The following ADGRA3 variants were observed in gnomAD, a reference collection of about 807,000 sequenced individuals.
ADGRA3 encodes the protein adhesion G protein-coupled receptor A3.
ADGRA3 carries 56 observed loss-of-function variants against 119.8 expected under a neutral mutation model. That is an observed-to-expected ratio of 0.47 (90% CI 0.38 to 0.58). The LOEUF (loss-of-function observed/expected upper bound fraction) is 0.58, where lower values mean the gene tolerates loss of function less well. Ranked by LOEUF, ADGRA3 falls within the 20% of genes least tolerant of loss-of-function variation. ADGRA3 has a pLI of 0.00. For missense variants in ADGRA3, 1,516 were observed against 1,649.0 expected, an observed-to-expected ratio of 0.92 and a Z score of 1.40; for synonymous variants, 607 against 623.8, an observed-to-expected ratio of 0.97 and a Z score of 0.40.
intron 1 of ADGRA3, among the ~76,000 whole-genome samples, chr4:22,474,598 G>A (rs1275337139): frequency 6.6e-6 from 1 of 152,056 alleles, no homozygotes; most frequent in Non-Finnish European, 1.5e-5. Flanking sequence ...CATGAATGAG[G>A]TGAAAATGCT....
chr4:22,448,215 T>TA (rs1716899446), intron 4 of ADGRA3, among the ~76,000 whole-genome samples: 1 of 152,138 alleles, frequency 6.6e-6, no homozygotes, highest in South Asian at 2.1e-4. Flanking sequence ...GCTCTAGAGC[T>TA]CGGGGGAGGA....
intron 12 of ADGRA3, chr4:22,414,054 G>C: frequency 2.8e-6 from 1 of 361,004 alleles, no homozygotes; most frequent in Admixed American, 4.3e-5. Context: ...AAGTAAACAA[G>C]AAAAGTGTTT....
At chr4:22,439,595 G>A (rs893723276) in intron 7 of ADGRA3, among the ~76,000 whole-genome samples, 5 of 152,090 alleles carry the variant, frequency 3.3e-5, no homozygotes, top group African/African-American at 1.2e-4. Context: ...AAAGGCTCAA[G>A]ACACTTTTAT....
Position 22,497,263 on chromosome 4 carries a change from G to A in ADGRA3, c.257+18265C>T, listed in dbSNP as rs143667932. On this transcript the variant is annotated intron_variant, in intron 1 of 18. Transcript: ENST00000334304. ...AACACTGTGATATAATAAAGAATCTGCACACTGTCCATAAAGTCTGGAAAT... is the reference window on the plus strand; with the variant it reads ...AACACTGTGATATAATAAAGAATCTACACACTGTCCATAAAGTCTGGAAAT... Among the ~76,000 whole-genome samples the A allele has an allele frequency of 6.2e-4, 94 of 152,136 alleles. 1 individual carries two copies. The highest frequency in any genetic ancestry group is 2.1e-3 in the African/African-American group (87 of 41,490).
intron 1 of ADGRA3, among the ~76,000 whole-genome samples, chr4:22,488,063 G>A (rs909390453): frequency 6.6e-6 from 1 of 152,128 alleles, no homozygotes; most frequent in African/African-American, 2.4e-5. Context: ...CTGACCTTCA[G>A]TGCCGGAATC....
intron 16 of ADGRA3, among the ~76,000 whole-genome samples, chr4:22,397,773 G>A (rs952285147): frequency 1.2e-4 from 19 of 152,116 alleles, no homozygotes; most frequent in African/African-American, 4.3e-4. Flanking sequence ...CTGCTGCCAC[G>A]AAAGACATGA....
intron 10 of ADGRA3, among the ~76,000 whole-genome samples, chr4:22,426,101 C>G (rs139976329): frequency 6.6e-6 from 1 of 152,152 alleles, no homozygotes; most frequent in Non-Finnish European, 1.5e-5. Context: ...GGCGCTTTTA[C>G]TGTTTTAATC....
At chr4:22,464,905 T>C (rs367659287) in intron 2 of ADGRA3, among the ~76,000 whole-genome samples, 2 of 152,140 alleles carry the variant, frequency 1.3e-5, no homozygotes, top group East Asian at 1.9e-4. Flanking sequence ...ATGAGGGCTG[T>C]TGGGCAAACC....
chr4:22,503,505 T>C (rs906535215), intron 1 of ADGRA3, among the ~76,000 whole-genome samples: 4 of 152,242 alleles, frequency 2.6e-5, no homozygotes, highest in African/African-American at 2.4e-5. Flanking sequence ...TATATCTCCA[T>C]ACTTGCTCTT....
chr4:22,437,232 C>T (rs1716431687), intron 8 of ADGRA3, among the ~76,000 whole-genome samples: 1 of 152,094 alleles, frequency 6.6e-6, no homozygotes, highest in East Asian at 1.9e-4. Context: ...ACATAAAAGA[C>T]TTATCCATTG....
intron 16 of ADGRA3, among the ~76,000 whole-genome samples, chr4:22,397,036 C>A (rs2109000206): frequency 6.6e-6 from 1 of 152,222 alleles, no homozygotes; most frequent in South Asian, 2.1e-4. Flanking sequence ...CAAAATGGCT[C>A]CAGGTTTGAA....
chr4:22,463,326 T>C (rs1439581443), intron 2 of ADGRA3, among the ~76,000 whole-genome samples: 1 of 152,208 alleles, frequency 6.6e-6, no homozygotes, highest in African/African-American at 2.4e-5. Context: ...AGTCCCTTAC[T>C]TACTTGAAAT....
chr4:22,397,369 A>T (rs1227613968), intron 16 of ADGRA3, among the ~76,000 whole-genome samples: 4 of 151,822 alleles, frequency 2.6e-5, no homozygotes, highest in African/African-American at 7.3e-5. Context: ...TTTAGCGGAG[A>T]TGGGGTTTCA....
intron 12 of ADGRA3, among the ~76,000 whole-genome samples, chr4:22,415,779 A>G (rs1178673661): frequency 6.6e-6 from 1 of 152,144 alleles, no homozygotes; most frequent in Non-Finnish European, 1.5e-5. Flanking sequence ...AATAACATCT[A>G]TACTTTCTAG....
chr4:22,413,474 C>G, intron 13 of ADGRA3, 84 bp from the exon 14 acceptor site: 3 of 1,385,522 alleles, frequency 2.2e-6, no homozygotes, highest in Non-Finnish European at 3.1e-6. Flanking sequence ...AATGGGTACT[C>G]TGCAAGATCT....
chr4:22,390,452 CGTATTATATATATATTCAAG>C (rs1714092761), intron 17 of ADGRA3, among the ~76,000 whole-genome samples: 1 of 135,850 alleles, frequency 7.4e-6, no homozygotes, highest in Non-Finnish European at 1.5e-5. Flanking sequence ...ATATAAAATA[CGTATTATATATATATTCAAG>C]TTTCCCCATC....
At chr4:22,483,107 T>C (rs1423718539) in intron 1 of ADGRA3, among the ~76,000 whole-genome samples, 6 of 152,182 alleles carry the variant, frequency 3.9e-5, no homozygotes, top group Non-Finnish European at 8.8e-5. Context: ...GTCTCAGACC[T>C]TTCCTTCCCC....
intron 1 of ADGRA3, among the ~76,000 whole-genome samples, chr4:22,493,296 C>G (rs1453775734): frequency 6.6e-6 from 1 of 152,114 alleles, no homozygotes; most frequent in Admixed American, 6.5e-5. Context: ...TCTTTTTAAT[C>G]TCATCTAACA....
intron 5 of ADGRA3, among the ~76,000 whole-genome samples, chr4:22,445,918 A>T (rs1402514135): frequency 6.6e-6 from 1 of 152,242 alleles, no homozygotes; most frequent in African/African-American, 2.4e-5. Context: ...TATAATTACT[A>T]AGCACTGACT....
Sources: gnomAD v4.1 joint callset for allele counts (sites outside exome capture counted in the v4.1 genomes callset) on GRCh38, gnomAD v4.1.1 for gene constraint, MANE v1.5 for transcripts, NCBI Gene and HGNC (gene_info 2026-07-23, HGNC 2026-07-21) for gene names.